Variants in CNTN1 observed in about 807,000 individuals in gnomAD.
The protein encoded by CNTN1 is contactin 1.
In CNTN1, 38 loss-of-function variants were observed where a neutral mutation model predicts 126.4. The ratio of observed to expected loss-of-function variants is 0.30; its 90% CI spans 0.23 to 0.39. The LOEUF (loss-of-function observed/expected upper bound fraction) is 0.39, where lower values mean the gene tolerates loss of function less well. Ranked by LOEUF, CNTN1 falls within the 10% of genes least tolerant of loss-of-function variation. The pLI is 1.00. For missense variants in CNTN1, 1,009 were observed against 1,248.4 expected (o/e 0.81, Z 2.89); for synonymous variants, 413 against 422.6 (o/e 0.98, Z 0.28).
intron 12 of CNTN1, among the ~76,000 whole-genome samples, chr12:40,942,156 C>T (rs1038926929): frequency 1.3e-5 from 2 of 152,050 alleles, no homozygotes; most frequent in African/African-American, 4.8e-5. Context: ...GATGTGGGAA[C>T]TTGGCTGAGG....
intron 1 of CNTN1, among the ~76,000 whole-genome samples, chr12:40,830,935 A>G: frequency 6.1e-5 from 1 of 16,390 alleles, no homozygotes; most frequent in African/African-American, 1.4e-4. Context: ...ATATACATAT[A>G]CATATATATA....
intron 23 of CNTN1, among the ~76,000 whole-genome samples, 168 bp from the exon 24 acceptor site, chr12:41,069,791 A>G (rs958481721): frequency 3.3e-5 from 5 of 152,182 alleles, no homozygotes; most frequent in Admixed American, 1.3e-4. Flanking sequence ...ATCTTTGATC[A>G]AAAGCTTTTG....
intron 17 of CNTN1, among the ~76,000 whole-genome samples, chr12:40,993,574 C>G (rs192934534): frequency 2.4e-4 from 36 of 152,112 alleles, no homozygotes; most frequent in African/African-American, 8.0e-4. Flanking sequence ...ATTGGAATGA[C>G]GTAAGTATTT....
intron 1 of CNTN1, among the ~76,000 whole-genome samples, chr12:40,899,368 A>G (rs995090549): frequency 5.9e-5 from 9 of 152,334 alleles, no homozygotes; most frequent in Non-Finnish European, 1.0e-4. Flanking sequence ...AGACAGTCTC[A>G]CATAAAAGTC....
chr12:40,718,987 G>T (rs760747803), intron 1 of CNTN1, among the ~76,000 whole-genome samples: 10 of 151,880 alleles, frequency 6.6e-5, no homozygotes, highest in Admixed American at 2.0e-4. Flanking sequence ...CCTCACCTTG[G>T]ATGTTTGGAG....
At chr12:40,751,747 G>A (rs1414794496) in intron 1 of CNTN1, among the ~76,000 whole-genome samples, 2 of 152,086 alleles carry the variant, frequency 1.3e-5, no homozygotes, top group African/African-American at 4.8e-5. Context: ...TATGAGTTAA[G>A]GAAAGAATCC....
At chr12:40,743,684 T>C (rs969854161) in intron 1 of CNTN1, among the ~76,000 whole-genome samples, 16 of 152,216 alleles carry the variant, frequency 1.1e-4, no homozygotes, top group African/African-American at 3.6e-4. Flanking sequence ...TTAAGCTCCT[T>C]GTAGATTCTG....
At chr12:40,744,902 AATCAT>A (rs942554978) in intron 1 of CNTN1, among the ~76,000 whole-genome samples, 5 of 152,140 alleles carry the variant, frequency 3.3e-5, no homozygotes, top group Non-Finnish European at 7.4e-5. Context: ...TTGGAAAAAT[AATCAT>A]ATTTATTTTA....
chr12:41,025,750 TGTG>T (rs1360102294), intron 21 of CNTN1, among the ~76,000 whole-genome samples: 19 of 152,332 alleles, frequency 1.2e-4, no homozygotes, highest in African/African-American at 4.6e-4. Context: ...GCAAGTTAAG[TGTG>T]TAGCATTATG....
intron 15 of CNTN1, among the ~76,000 whole-genome samples, chr12:40,968,053 A>T (rs1209997863): frequency 5.9e-5 from 9 of 151,672 alleles, no homozygotes; most frequent in African/African-American, 1.4e-4. Context: ...AGGTATCGTT[A>T]CTGTATTATA....
chr12:40,851,977 C>T (rs148765936), intron 1 of CNTN1, among the ~76,000 whole-genome samples: 1 of 152,124 alleles, frequency 6.6e-6, no homozygotes, highest in South Asian at 2.1e-4. Flanking sequence ...CTTTCCGGTG[C>T]CTGTACAGGC....
At chr12:41,045,196 T>C (rs1949515248) in intron 23 of CNTN1, among the ~76,000 whole-genome samples, 1 of 152,072 alleles carries the variant, frequency 6.6e-6, no homozygotes. Context: ...GGATATTACT[T>C]TACCTTCTCT....
chr12:40,794,439 CTT>C (rs144492303), intron 1 of CNTN1, among the ~76,000 whole-genome samples: 28 of 147,198 alleles, frequency 1.9e-4, no homozygotes, highest in Middle Eastern at 3.5e-3. Flanking sequence ...TGAATAACTA[CTT>C]TTTTTTTTTT....
At chr12:40,712,454 G>A (rs1329590640) in intron 1 of CNTN1, among the ~76,000 whole-genome samples, 1 of 152,004 alleles carries the variant, frequency 6.6e-6, no homozygotes, top group Non-Finnish European at 1.5e-5. Context: ...AAAGACTAGT[G>A]TGATAGTAAT....
At chr12:40,832,239 A>G (rs888000150) in intron 1 of CNTN1, among the ~76,000 whole-genome samples, 3 of 152,180 alleles carry the variant, frequency 2.0e-5, no homozygotes, top group Non-Finnish European at 4.4e-5. Context: ...AATGGCTGCT[A>G]ATTCTAAATT....
At chr12:41,007,091 G>A (rs1211902930) in intron 17 of CNTN1, among the ~76,000 whole-genome samples, 3 of 107,938 alleles carry the variant, frequency 2.8e-5, no homozygotes, top group South Asian at 3.2e-4. Context: ...ACGGAGTCTC[G>A]CTCTGTCGCC....
intron 20 of CNTN1, among the ~76,000 whole-genome samples, chr12:41,022,719 C>G (rs1592419169): frequency 6.6e-6 from 1 of 152,118 alleles, no homozygotes; most frequent in African/African-American, 2.4e-5. Context: ...CCACACAACC[C>G]TAGAGGATAG....
chr12:41,002,620 C>A (rs146866575), intron 17 of CNTN1, among the ~76,000 whole-genome samples: 1 of 143,580 alleles, frequency 7.0e-6, no homozygotes, highest in Non-Finnish European at 1.5e-5. Context: ...TGCAGTGGTG[C>A]AATCTCCGCT....
intron 14 of CNTN1, among the ~76,000 whole-genome samples, chr12:40,950,367 T>A (rs1946627610): frequency 6.6e-6 from 1 of 152,106 alleles, no homozygotes; most frequent in Non-Finnish European, 1.5e-5. Flanking sequence ...CTGAGAGTAT[T>A]GGGGACACGA....
Sources: allele counts gnomAD v4.1 joint callset (sites outside exome capture counted in the v4.1 genomes callset), GRCh38; gene constraint gnomAD v4.1.1; transcripts MANE v1.5; gene names NCBI Gene and HGNC (gene_info 2026-07-23, HGNC 2026-07-21).